TPRG1: variants seen among roughly 807,000 people sequenced by gnomAD.
The protein encoded by TPRG1 is tumor protein p63-regulated gene 1 protein.
Under a neutral mutation model 29.3 loss-of-function variants are expected in TPRG1, and 29 were observed. That is an observed-to-expected ratio of 0.99 (90% CI 0.74 to 1.35). The LOEUF is 1.35. Among genes scored for constraint, TPRG1 ranks in the 40% most tolerant of loss-of-function variants. The pLI, the probability that TPRG1 is intolerant of heterozygous loss-of-function variation, is 0.00. For synonymous variants in TPRG1, 130 were observed against 116.8 expected, an observed-to-expected ratio of 1.11 and a Z score of -0.73; for missense variants, 327 against 335.0, an observed-to-expected ratio of 0.98 and a Z score of 0.19.
At chr3:189,146,662 C>A (rs1012356336) in intron 3 of TPRG1, among the ~76,000 whole-genome samples, 8 of 152,136 alleles carry the variant, frequency 5.3e-5, no homozygotes, top group Non-Finnish European at 1.0e-4. Context: ...AGGGCAGAGA[C>A]CATGTTTTAT....
intron 4 of TPRG1, among the ~76,000 whole-genome samples, chr3:189,248,587 ACT>A (rs1378514674): frequency 6.6e-6 from 1 of 150,764 alleles, no homozygotes; most frequent in African/African-American, 2.4e-5. Flanking sequence ...AAGCTTTCTG[ACT>A]CTTAAATTTT....
rs527479198 is a variant in TPRG1, at chr3:189,324,063, G to A, written c.*3243G>A. ...CGGTGGTCAATTGGGCCTGTTTGGA[G>A]GCCTGACCTTTGGTCATCTTAAGGT... On this transcript the variant is annotated 3_prime_UTR_variant, in exon 6 of 6. Coordinates refer to ENST00000345063, the MANE Select transcript of TPRG1 (RefSeq NM_198485.4). 2 of 152,192 alleles carry A rather than the reference G, an allele frequency of 1.3e-5. No individual in the cohort carries two copies. Among genetic ancestry groups the A allele is most frequent in the South Asian group, 2.1e-4 (1 of 4,818 alleles). 9.4% of individuals were successfully genotyped at this position (152,192 alleles called of 1,614,324 possible).
chr3:189,184,251 C>T (rs944874704), intron 1 of TPRG1, among the ~76,000 whole-genome samples: 3 of 152,114 alleles, frequency 2.0e-5, no homozygotes, highest in Non-Finnish European at 4.4e-5. Context: ...AATTAGAGTA[C>T]CTGAACCATG....
intron 3 of TPRG1, among the ~76,000 whole-genome samples, chr3:189,017,115 T>C (rs2152123718): frequency 6.6e-6 from 1 of 152,256 alleles, no homozygotes; most frequent in South Asian, 2.1e-4. Context: ...CCCATATTTC[T>C]TGGACATTTT....
At chr3:189,234,464 G>A (rs537965629) in intron 3 of TPRG1, among the ~76,000 whole-genome samples, 2 of 152,164 alleles carry the variant, frequency 1.3e-5, no homozygotes, top group Non-Finnish European at 2.9e-5. Flanking sequence ...ATACAAAATC[G>A]GAAGGATACC....
At chr3:189,148,292 A>G (rs1464756741) in intron 4 of TPRG1, among the ~76,000 whole-genome samples, 5 of 152,238 alleles carry the variant, frequency 3.3e-5, no homozygotes, top group African/African-American at 1.2e-4. Flanking sequence ...AGTCTTCAGC[A>G]AAACAGCAAC....
At position 189,022,835 on chromosome 3, in the gene TPRG1, C is replaced by T. The variant is rs375831238; in HGVS notation, c.-659-915C>T. Among the ~76,000 whole-genome samples, 576 of 152,356 alleles carry T rather than the reference C, an allele frequency of 3.8e-3. 9 individuals carry two copies. The highest frequency in any genetic ancestry group is 0.026 in the Admixed American group (403 of 15,306). The stretch of plus-strand genomic sequence containing the variant: ...GGCGCCCCTCCCCCAGCCTCGCTGC[C>T]GCCTTGCAGTTTGATCTCAGACTGC... On this transcript the variant is annotated intron_variant, in intron 3 of 10. Coordinates refer to the TPRG1 transcript ENST00000433971.
chr3:189,091,408 A>G (rs765917590), intron 4 of TPRG1, among the ~76,000 whole-genome samples: 3 of 152,196 alleles, frequency 2.0e-5, no homozygotes, highest in Non-Finnish European at 4.4e-5. Flanking sequence ...TACCACCACA[A>G]TTGAGATATA....
chr3:189,052,211 C>T (rs1318300703), intron 4 of TPRG1, among the ~76,000 whole-genome samples: 1 of 152,174 alleles, frequency 6.6e-6, no homozygotes, highest in East Asian at 1.9e-4. Context: ...CAAAGGACTA[C>T]TATCCAGAAC....
At position 189,220,858 on chromosome 3, in the gene TPRG1, G is replaced by A. The variant is rs1417689648; in HGVS notation, c.302+5475G>A. On this transcript the variant is annotated intron_variant, in intron 3 of 5. Coordinates refer to ENST00000345063, the MANE Select transcript of TPRG1 (RefSeq NM_198485.4). ...CAGTCTAGTATTAATGGACATTTAG[G>A]TTGATTCTATCTCTTTGCTATTGTG... is the stretch of plus-strand genomic sequence containing the variant. Among the ~76,000 whole-genome samples the A allele has an allele frequency of 2.6e-5, 4 of 152,094 alleles. 1 individual carries two copies. Among genetic ancestry groups the A allele is most frequent in the South Asian group, 4.1e-4 (2 of 4,822 alleles).
At chr3:189,192,401 A>G (rs946658271) in intron 1 of TPRG1, among the ~76,000 whole-genome samples, 14 of 152,322 alleles carry the variant, frequency 9.2e-5, no homozygotes, top group African/African-American at 2.9e-4. Flanking sequence ...TAAGGATACC[A>G]TAGTAAATAA....
chr3:189,188,102 AAAAAG>A lies in TPRG1; in HGVS notation c.-10+15978_-10+15982del, dbSNP rs1159069419. On this transcript the variant is annotated intron_variant, in intron 1 of 5. Coordinates refer to ENST00000345063, the MANE Select transcript of TPRG1 (RefSeq NM_198485.4). ...GAACTTCTGCAGAAGTCAAAGAAAT[AAAAAG>A]AAAAGATAATTGAAAAAAAGAAAAA... 5.3e-5 allele frequency among the ~76,000 whole-genome samples: 8 copies of A among 152,364 alleles called. No individual in the cohort carries two copies. The East Asian group carries it at 1.4e-3, about 26-fold the overall frequency.
At chr3:189,050,812 G>C (rs866475699) in intron 4 of TPRG1, among the ~76,000 whole-genome samples, 1 of 152,130 alleles carries the variant, frequency 6.6e-6, no homozygotes. Context: ...CACCACATAA[G>C]CAGAATTGAA....
At chr3:189,312,089 C>G (rs189296604) in intron 5 of TPRG1, among the ~76,000 whole-genome samples, 13 of 97,862 alleles carry the variant, frequency 1.3e-4, no homozygotes, top group East Asian at 2.2e-4. Flanking sequence ...ATGTTTCTTT[C>G]TTTCTTTGTT....
rs527888703 is a variant in TPRG1 at position 189,200,066 on chromosome 3, T to C, written c.-9-7310T>C. On this transcript the variant is annotated intron_variant, in intron 1 of 5. Coordinates refer to ENST00000345063, the MANE Select transcript of TPRG1 (RefSeq NM_198485.4). ...ACGGCAAAAGAGTGAGCACCCACATTTCTTGGCCTAGCCCTGTATTCTTCC... is the reference window on the plus strand; with the variant it reads ...ACGGCAAAAGAGTGAGCACCCACATCTCTTGGCCTAGCCCTGTATTCTTCC... Among the ~76,000 whole-genome samples the C allele has an allele frequency of 7.9e-5, 12 of 152,204 alleles. No homozygotes were observed. In the South Asian group the frequency reaches 2.5e-3, roughly 32 times the overall value.
intron 4 of TPRG1, among the ~76,000 whole-genome samples, chr3:189,273,741 C>G (rs1227155255): frequency 6.6e-6 from 1 of 152,164 alleles, no homozygotes; most frequent in Non-Finnish European, 1.5e-5. Flanking sequence ...GTGCTTTATT[C>G]TCCCTGTGTC....
chr3:189,067,670 A>G (rs1716542543), intron 4 of TPRG1, among the ~76,000 whole-genome samples: 1 of 152,172 alleles, frequency 6.6e-6, no homozygotes, highest in Non-Finnish European at 1.5e-5. Flanking sequence ...AAAAAAATCA[A>G]ATCAAAATGG....
At chr3:189,246,378 T>A (rs1440437869) in intron 4 of TPRG1, among the ~76,000 whole-genome samples, 3 of 152,176 alleles carry the variant, frequency 2.0e-5, no homozygotes, top group Non-Finnish European at 4.4e-5. Context: ...ACACATAGCA[T>A]GTTTTTTTTA....
intron 1 of TPRG1, among the ~76,000 whole-genome samples, chr3:189,124,536 G>A (rs1017404823): frequency 4.8e-5 from 6 of 124,278 alleles, no homozygotes; most frequent in African/African-American, 2.8e-4. Flanking sequence ...AAGAACAAAG[G>A]ACTTTGTGTG....
Sources: allele counts gnomAD v4.1 joint callset (sites outside exome capture counted in the v4.1 genomes callset), GRCh38; gene constraint gnomAD v4.1.1; transcripts MANE v1.5; gene names NCBI Gene and HGNC (gene_info 2026-07-23, HGNC 2026-07-21).